AFF3: variants seen among roughly 807,000 people sequenced by gnomAD.
AFF3 encodes ALF transcription elongation factor 3.
A neutral mutation model predicts 129.7 loss-of-function variants in AFF3; 32 were observed. The ratio of observed to expected loss-of-function variants is 0.25; its 90% confidence interval spans 0.19 to 0.33. The LOEUF (loss-of-function observed/expected upper bound fraction) is 0.33. AFF3 is among the 10% of genes least tolerant of loss of function. The pLI, the probability that AFF3 is intolerant of heterozygous loss-of-function variation, is 1.00. For missense variants in AFF3, 1,373 were observed against 1,592.0 expected (o/e 0.86, Z 2.34); for synonymous variants, 644 against 635.4 (o/e 1.01, Z -0.20).
intron 4 of AFF3, among the ~76,000 whole-genome samples, chr2:100,018,791 A>C (rs1683350797): frequency 6.6e-6 from 1 of 152,038 alleles, no homozygotes; most frequent in Admixed American, 6.6e-5. Context: ...ATGCTATTTC[A>C]AAGAGCTCCC....
intron 2 of AFF3, among the ~76,000 whole-genome samples, chr2:100,120,751 CTT>C (rs1691930321): frequency 6.6e-6 from 1 of 152,078 alleles, no homozygotes; most frequent in Admixed American, 6.5e-5. Flanking sequence ...GCCTTGAACT[CTT>C]GGGCTCAAGC....
At chr2:99,943,430 C>G (rs1317923910) in intron 7 of AFF3, among the ~76,000 whole-genome samples, 3 of 152,198 alleles carry the variant, frequency 2.0e-5, no homozygotes, top group Admixed American at 2.0e-4. Flanking sequence ...TAGGAATGCA[C>G]TAGTCACAGA....
intron 4 of AFF3, among the ~76,000 whole-genome samples, chr2:100,078,053 T>A (rs1194663640): frequency 6.6e-6 from 1 of 152,208 alleles, no homozygotes; most frequent in Non-Finnish European, 1.5e-5. Flanking sequence ...CAAATTTTCC[T>A]TTAAAATGAA....
chr2:99,996,527 A>AT (rs756231548), intron 7 of AFF3, among the ~76,000 whole-genome samples: 4,437 of 113,940 alleles, frequency 0.039, 233 homozygotes, highest in African/African-American at 0.07. Flanking sequence ...CGCCCGGCTA[A>AT]TTTTTTTTTT....
At chr2:99,898,640 G>A (rs2106129203) in intron 7 of AFF3, among the ~76,000 whole-genome samples, 1 of 152,242 alleles carries the variant, frequency 6.6e-6, no homozygotes, top group South Asian at 2.1e-4. Flanking sequence ...GTTGACACTG[G>A]GGGCTGCCAT....
chr2:100,030,515 A>G (rs1323374747), intron 4 of AFF3, among the ~76,000 whole-genome samples: 1 of 152,230 alleles, frequency 6.6e-6, no homozygotes, highest in Non-Finnish European at 1.5e-5. Context: ...GCTCCTAGAT[A>G]TCTACCCAAT....
At chr2:99,633,174 G>A (rs1037787589) in intron 13 of AFF3, among the ~76,000 whole-genome samples, 5 of 152,054 alleles carry the variant, frequency 3.3e-5, no homozygotes, top group African/African-American at 1.2e-4. Context: ...TGACAGATGG[G>A]AAAAAAGACT....
chr2:99,943,102 C>T (rs1335943276), intron 7 of AFF3, among the ~76,000 whole-genome samples: 2 of 152,144 alleles, frequency 1.3e-5, no homozygotes, highest in Non-Finnish European at 2.9e-5. Context: ...CATTCCTGTT[C>T]GAGGTTTGCC....
Position 99,680,817 on chromosome 2 carries a change from T to C in AFF3, c.1092-8228A>G, listed in dbSNP as rs747531886. 5.3e-5 allele frequency among the ~76,000 whole-genome samples: 8 copies of C among 152,312 alleles called. 1 individual carries two copies. The Middle Eastern group carries it at 0.014, about 259-fold the overall frequency. On this transcript the variant is annotated intron_variant, in intron 11 of 24. Coordinates refer to ENST00000672756, the MANE Select transcript of AFF3 (RefSeq NM_001386135.1). ...GCTAAAAGAGTCCCTAATTAAGAGA[T>C]TTGAACAGATAAACTGTTAGAATTA...
At chr2:99,664,646 C>A (rs1297188991) in intron 12 of AFF3, among the ~76,000 whole-genome samples, 2 of 152,152 alleles carry the variant, frequency 1.3e-5, no homozygotes, top group African/African-American at 4.8e-5. Context: ...TTTGAAAAAT[C>A]ATAGAGTTCA....
intron 13 of AFF3, among the ~76,000 whole-genome samples, chr2:99,606,384 C>G (rs1425226905): frequency 6.6e-6 from 1 of 152,194 alleles, no homozygotes; most frequent in African/African-American, 2.4e-5. Context: ...CCAGTGCCAT[C>G]TCATGAACAC....
At chr2:99,993,972 A>AC (rs1319437442) in intron 7 of AFF3, among the ~76,000 whole-genome samples, 1 of 151,202 alleles carries the variant, frequency 6.6e-6, no homozygotes, top group East Asian at 2.0e-4. Context: ...TGCCCGGCTA[A>AC]TTTTTGTATT....
At chr2:99,700,123 CTTT>C (rs34691450) in intron 11 of AFF3, among the ~76,000 whole-genome samples, 15 of 143,996 alleles carry the variant, frequency 1.0e-4, no homozygotes, top group East Asian at 2.1e-4. Flanking sequence ...TCAAAGCCTC[CTTT>C]TTTTTTTTTT....
chr2:99,930,609 T>G (rs2106296758), intron 7 of AFF3, among the ~76,000 whole-genome samples: 2 of 152,306 alleles, frequency 1.3e-5, no homozygotes, highest in Middle Eastern at 3.4e-3. Flanking sequence ...ATTTCTGCAC[T>G]GGGGGACAAA....
At chr2:100,035,986 G>T (rs1390651844) in intron 4 of AFF3, among the ~76,000 whole-genome samples, 1 of 151,892 alleles carries the variant, frequency 6.6e-6, no homozygotes, top group Non-Finnish European at 1.5e-5. Flanking sequence ...AAGGAATATG[G>T]CCTTGAAAAG....
At chr2:100,104,567 G>GCCGCCGCCCGC (rs1573437344) in intron 3 of AFF3, 49 bp from the exon 4 acceptor site, 1 of 1,049,416 alleles carries the variant, frequency 9.5e-7, no homozygotes, top group East Asian at 8.0e-5. Flanking sequence ...CGCCAGAGCG[G>GCCGCCGCCCGC]CCGCCGCCCG....
chr2:99,553,883 T>G (rs769605679), intron 24 of AFF3, among the ~76,000 whole-genome samples: 33 of 123,166 alleles, frequency 2.7e-4, no homozygotes, highest in Non-Finnish European at 4.7e-4. Context: ...CCATTGCACT[T>G]CAGCCTGGCA....
intron 7 of AFF3, among the ~76,000 whole-genome samples, chr2:99,886,921 C>G (rs1054425984): frequency 7.4e-6 from 1 of 134,998 alleles, no homozygotes; most frequent in African/African-American, 2.5e-5. Context: ...GACTTCAACT[C>G]ATACCTAGTG....
At chr2:99,857,087 A>G (rs1690583853) in intron 7 of AFF3, among the ~76,000 whole-genome samples, 1 of 152,150 alleles carries the variant, frequency 6.6e-6, no homozygotes, top group African/African-American at 2.4e-5. Context: ...TTACTAAACT[A>G]TTTGCATAGG....
Sources: allele counts gnomAD v4.1 joint callset (sites outside exome capture counted in the v4.1 genomes callset), GRCh38; gene constraint gnomAD v4.1.1; transcripts MANE v1.5; gene names NCBI Gene and HGNC (gene_info 2026-07-23, HGNC 2026-07-21).